Variants in GALNTL6 observed in about 807,000 individuals in gnomAD.
GALNTL6 encodes polypeptide N-acetylgalactosaminyltransferase like 6.
In GALNTL6, 46 loss-of-function variants were observed where a neutral mutation model predicts 73.7. The ratio of observed to expected loss-of-function variants is 0.62; its 90% CI spans 0.49 to 0.80. GALNTL6 has a LOEUF of 0.80. Among genes scored for constraint, GALNTL6 ranks in the 30% least tolerant of loss-of-function variants. The probability of loss-of-function intolerance (pLI) is 0.00; values close to 1 mark genes in which losing one functional copy is unlikely to be tolerated. For missense variants in GALNTL6, 604 were observed against 755.0 expected (o/e 0.80, Z 2.34); for synonymous variants, 259 against 263.7 (o/e 0.98, Z 0.17).
intron 2 of GALNTL6, among the ~76,000 whole-genome samples, chr4:171,920,646 AAAC>A (rs1327228333): frequency 6.6e-6 from 1 of 152,180 alleles, no homozygotes; most frequent in African/African-American, 2.4e-5. Context: ...CAACTCCAGA[AAAC>A]AACAATAAAA....
At chr4:172,217,457 A>G (rs1736530512) in intron 2 of GALNTL6, among the ~76,000 whole-genome samples, 2 of 152,300 alleles carry the variant, frequency 1.3e-5, no homozygotes, top group South Asian at 4.1e-4. Flanking sequence ...GCTAGTCTTC[A>G]ATTTCTTCTA....
chr4:171,890,945 T>C (rs1286121611), intron 2 of GALNTL6, among the ~76,000 whole-genome samples: 1 of 152,168 alleles, frequency 6.6e-6, no homozygotes, highest in Admixed American at 6.6e-5. Flanking sequence ...GCTAAATAAC[T>C]TCATGTTGTC....
intron 2 of GALNTL6, among the ~76,000 whole-genome samples, chr4:172,057,723 A>ATATAT (rs1448728102): frequency 4.8e-4 from 29 of 59,920 alleles, no homozygotes; most frequent in Non-Finnish European, 6.7e-4. Context: ...AAAAAAAAAA[A>ATATAT]AAAAATATAT....
intron 5 of GALNTL6, among the ~76,000 whole-genome samples, chr4:172,493,396 T>C (rs1480103604): frequency 6.6e-6 from 1 of 152,194 alleles, no homozygotes; most frequent in Non-Finnish European, 1.5e-5. Context: ...TAAAAGATAT[T>C]CACTTTTATG....
intron 5 of GALNTL6, among the ~76,000 whole-genome samples, chr4:172,499,752 A>G (rs1231315097): frequency 6.6e-6 from 1 of 152,214 alleles, no homozygotes; most frequent in Non-Finnish European, 1.5e-5. Flanking sequence ...AAGAAATAGA[A>G]GCTATTTACA....
At chr4:172,789,310 A>G (rs986652473) in intron 5 of GALNTL6, among the ~76,000 whole-genome samples, 10 of 152,256 alleles carry the variant, frequency 6.6e-5, no homozygotes, top group Non-Finnish European at 1.2e-4. Flanking sequence ...GTGGTTTGTT[A>G]TAAAGCAAGC....
chr4:172,546,743 AT>A (rs1183523803), intron 5 of GALNTL6, among the ~76,000 whole-genome samples: 1 of 32,048 alleles, frequency 3.1e-5, no homozygotes, highest in Non-Finnish European at 7.0e-5. Flanking sequence ...AGGAGGCTTC[AT>A]TTTGGACTCA....
intron 12 of GALNTL6, among the ~76,000 whole-genome samples, chr4:173,030,734 C>T (rs1189245214): frequency 6.6e-6 from 1 of 151,732 alleles, no homozygotes; most frequent in African/African-American, 2.4e-5. Context: ...CATCCCTAAT[C>T]CTAGCATTTT....
chr4:172,481,218 G>T (rs753717828), intron 5 of GALNTL6, among the ~76,000 whole-genome samples: 27 of 151,826 alleles, frequency 1.8e-4, no homozygotes, highest in Non-Finnish European at 3.8e-4. Flanking sequence ...AAGGCAGCCA[G>T]TCGGGAGTTG....
At position 172,810,062 on chromosome 4, in the gene GALNTL6, T is replaced by A. The variant is rs537452471; in HGVS notation, c.739+516T>A. On this transcript the variant is annotated intron_variant, in intron 6 of 12. Coordinates refer to ENST00000506823, the MANE Select transcript of GALNTL6 (RefSeq NM_001034845.3). ...ATTTTCTAGGATTTAAAATGCCGTT[T>A]CTTTTCTGTTATTCTCTCCACTTCT... Among the ~76,000 whole-genome samples the A allele has an allele frequency of 3.3e-5, 5 of 152,272 alleles. 1 individual carries two copies. In the South Asian group the frequency reaches 1.0e-3, roughly 32 times the overall value.
At chr4:171,932,257 C>T (rs1431047365) in intron 2 of GALNTL6, among the ~76,000 whole-genome samples, 1 of 152,166 alleles carries the variant, frequency 6.6e-6, no homozygotes, top group Non-Finnish European at 1.5e-5. Context: ...TCTTTCAAGT[C>T]ACTACTGTTT....
At chr4:172,644,878 C>A (rs147888192) in intron 5 of GALNTL6, among the ~76,000 whole-genome samples, 17 of 152,038 alleles carry the variant, frequency 1.1e-4, no homozygotes, top group African/African-American at 4.1e-4. Flanking sequence ...ACGAGGTCAT[C>A]AGCATCACAA....
At chr4:172,525,768 T>G (rs531808102) in intron 5 of GALNTL6, among the ~76,000 whole-genome samples, 1 of 151,908 alleles carries the variant, frequency 6.6e-6, no homozygotes, top group African/African-American at 2.4e-5. Flanking sequence ...GAGGCTGAGG[T>G]GGGAGGATGG....
chr4:173,031,122 T>C (rs964552262), intron 12 of GALNTL6, among the ~76,000 whole-genome samples: 3 of 152,294 alleles, frequency 2.0e-5, no homozygotes, highest in South Asian at 2.1e-4. Flanking sequence ...GCAACTTTCT[T>C]ACTATGAATT....
intron 12 of GALNTL6, among the ~76,000 whole-genome samples, chr4:173,038,032 G>C (rs1299989421): frequency 6.6e-6 from 1 of 152,116 alleles, no homozygotes; most frequent in Non-Finnish European, 1.5e-5. Flanking sequence ...CGTCAGCCAC[G>C]GTACCCAGCC....
chr4:172,812,306 A>G (rs1339980626), intron 6 of GALNTL6, among the ~76,000 whole-genome samples: 1 of 152,200 alleles, frequency 6.6e-6, no homozygotes, highest in Non-Finnish European at 1.5e-5. Flanking sequence ...TTACTCCACA[A>G]TCTCTGGGGA....
At chr4:172,447,522 C>T (rs1732067234) in intron 5 of GALNTL6, among the ~76,000 whole-genome samples, 2 of 152,072 alleles carry the variant, frequency 1.3e-5, no homozygotes, top group African/African-American at 4.8e-5. Context: ...GTAGGTATAC[C>T]TGGCTTAAAG....
chr4:172,638,484 CCA>C lies in GALNTL6; in HGVS notation c.554-170875_554-170874del, dbSNP rs1367161640. On this transcript the variant is annotated intron_variant, in intron 5 of 12. Coordinates refer to ENST00000506823, the MANE Select transcript of GALNTL6 (RefSeq NM_001034845.3). ...TTGCATGCATCCCACTCTCTGACCA[CCA>C]CCTCCTGCGTTTTCTCTCCCCTCTC... Among the ~76,000 whole-genome samples, 60 of 152,106 alleles carry C rather than the reference CCA, an allele frequency of 3.9e-4. 1 individual carries two copies. The highest frequency in any genetic ancestry group is 3.9e-3 in the Admixed American group (60 of 15,264).
chr4:172,896,477 G>A (rs1014539456), intron 8 of GALNTL6, among the ~76,000 whole-genome samples: 51 of 152,210 alleles, frequency 3.4e-4, no homozygotes, highest in Non-Finnish European at 7.4e-5. Context: ...GTACAGGGCT[G>A]TGTGGAAACT....
Sources: gnomAD v4.1 joint callset for allele counts (sites outside exome capture counted in the v4.1 genomes callset) on GRCh38, gnomAD v4.1.1 for gene constraint, MANE v1.5 for transcripts, NCBI Gene and HGNC (gene_info 2026-07-23, HGNC 2026-07-21) for gene names.